Variants in SAXO1 observed in about 807,000 individuals in gnomAD.
The protein encoded by SAXO1 is stabilizer of axonemal microtubules 1.
Under a neutral mutation model 17.5 loss-of-function variants are expected in SAXO1, and 21 were observed. The observed-to-expected ratio is 1.20, with a 90% CI of 0.85 to 1.72. SAXO1 has a LOEUF of 1.72. SAXO1 is among the 40% of genes most tolerant of loss of function. SAXO1 has a pLI of 0.00. For missense variants in SAXO1, 843 were observed against 596.0 expected, an observed-to-expected ratio of 1.41 and a Z score of -4.32; for synonymous variants, 274 against 216.5, an observed-to-expected ratio of 1.27 and a Z score of -2.33.
chr9:18,992,255 T>A (rs1833843213), intron 1 of SAXO1, among the ~76,000 whole-genome samples: 1 of 152,176 alleles, frequency 6.6e-6, no homozygotes, highest in African/African-American at 2.4e-5. Flanking sequence ...AAAATCAAGG[T>A]GTCAGTTCCT....
intron 1 of SAXO1, among the ~76,000 whole-genome samples, chr9:18,977,587 T>C (rs1304854001): frequency 1.3e-5 from 2 of 152,210 alleles, no homozygotes; most frequent in African/African-American, 4.8e-5. Context: ...TTCCACTAGA[T>C]TGTAATTACT....
At chr9:18,941,895 T>C (rs1563932143) in intron 2 of SAXO1, 56 bp from the exon 3 acceptor site, 5 of 1,530,470 alleles carry the variant, frequency 3.3e-6, no homozygotes, top group Non-Finnish European at 4.5e-6. Context: ...AAGGCTTATG[T>C]TTTCTGCTCA....
intron 1 of SAXO1, among the ~76,000 whole-genome samples, chr9:19,012,910 G>C (rs992389129): frequency 1.3e-5 from 2 of 152,180 alleles, no homozygotes; most frequent in Non-Finnish European, 2.9e-5. Context: ...CAGAAATCAA[G>C]ATTCTGCACC....
At chr9:18,999,856 A>G (rs1473571679) in intron 1 of SAXO1, among the ~76,000 whole-genome samples, 1 of 48,630 alleles carries the variant, frequency 2.1e-5, no homozygotes, top group African/African-American at 8.1e-5. Flanking sequence ...AGCCGCCACA[A>G]CATCTGGGAA....
intron 1 of SAXO1, among the ~76,000 whole-genome samples, chr9:19,025,806 A>G (rs1166324413): frequency 6.6e-6 from 1 of 152,224 alleles, no homozygotes; most frequent in African/African-American, 2.4e-5. Context: ...TAGAAAAAGT[A>G]GTGTTACTAC....
intron 1 of SAXO1, among the ~76,000 whole-genome samples, chr9:19,007,468 T>G (rs186785261): frequency 4.6e-5 from 7 of 152,358 alleles, no homozygotes; most frequent in Admixed American, 3.3e-4. Flanking sequence ...TAGCAATATA[T>G]CTTTAAACAC....
intron 1 of SAXO1, among the ~76,000 whole-genome samples, chr9:18,980,743 T>A (rs1246678016): frequency 3.5e-5 from 5 of 141,512 alleles, no homozygotes; most frequent in Admixed American, 3.1e-4. Flanking sequence ...TAGCACCACA[T>A]TTGCTTTGTG....
intron 1 of SAXO1, among the ~76,000 whole-genome samples, chr9:19,025,521 C>CT (rs1420418410): frequency 6.6e-6 from 1 of 152,182 alleles, no homozygotes; most frequent in African/African-American, 2.4e-5. Flanking sequence ...AGATACATGG[C>CT]TGCCCCTGAG....
In SAXO1 at chr9:18,960,256, C is replaced by A. The variant is rs556563865; in HGVS notation, c.39-9319G>T. On this transcript the variant is annotated intron_variant, in intron 1 of 3. Transcript: ENST00000380534. Reference sequence around the variant, plus strand: ...GGTAGGATTTTGCCAATGGCCTCATCACCTCAGAGGGAGACACAGAAAGAA... The same window carrying A: ...GGTAGGATTTTGCCAATGGCCTCATAACCTCAGAGGGAGACACAGAAAGAA... 3.3e-5 allele frequency among the ~76,000 whole-genome samples: 5 copies of A among 152,310 alleles called. No individual in the cohort carries two copies. In the South Asian group the frequency reaches 8.3e-4, roughly 25 times the overall value.
intron 1 of SAXO1, among the ~76,000 whole-genome samples, chr9:19,002,285 A>T (rs1221218983): frequency 6.6e-6 from 1 of 152,222 alleles, no homozygotes; most frequent in African/African-American, 2.4e-5. Context: ...CCAGGACCAG[A>T]TGGATTCACA....
At chr9:18,987,025 T>C (rs1734169724) in intron 1 of SAXO1, among the ~76,000 whole-genome samples, 2 of 152,212 alleles carry the variant, frequency 1.3e-5, no homozygotes, top group South Asian at 4.1e-4. Flanking sequence ...GATGATTCCT[T>C]GGAACAAATT....
intron 2 of SAXO1, among the ~76,000 whole-genome samples, chr9:18,944,896 A>G (rs1378845048): frequency 1.3e-5 from 2 of 152,200 alleles, no homozygotes; most frequent in Admixed American, 6.5e-5. Flanking sequence ...TTGAAGATAT[A>G]TTAGTGTGTC....
At chr9:18,929,165 G>T in intron 3 of SAXO1, 110 bp from the exon 4 acceptor site, 1 of 1,206,170 alleles carries the variant, frequency 8.3e-7, no homozygotes, top group Non-Finnish European at 1.1e-6. Context: ...TGTTCTTTGA[G>T]ACAAAGAAAG....
chr9:18,934,935 G>C (rs564125572), intron 3 of SAXO1, among the ~76,000 whole-genome samples: 31 of 151,872 alleles, frequency 2.0e-4, no homozygotes, highest in African/African-American at 7.5e-4. Context: ...TAATTTGCTT[G>C]TTTGTTTTGA....
chr9:19,005,162 T>A (rs1223347376), intron 1 of SAXO1, among the ~76,000 whole-genome samples: 1 of 152,206 alleles, frequency 6.6e-6, no homozygotes, highest in Non-Finnish European at 1.5e-5. Context: ...AGACACCCCA[T>A]GTTGATGGAC....
rs9407934 is a variant in SAXO1, at chr9:19,044,526, C to T, written c.-158+4683G>A. ...ATCATAAAATCAAAATTTTTGGAAG[C>T]GGGAATGCACAAACAAGAATGGTAA... On this transcript the variant is annotated intron_variant, in intron 1 of 3. Coordinates refer to the SAXO1 transcript ENST00000542071. Among the ~76,000 whole-genome samples, 351 of 152,198 alleles carry T rather than the reference C, an allele frequency of 2.3e-3. 1 individual carries two copies. Among genetic ancestry groups the T allele is most frequent in the Middle Eastern group, 6.8e-3 (2 of 294 alleles).
At chr9:19,016,574 A>C (rs1834983807) in intron 1 of SAXO1, among the ~76,000 whole-genome samples, 1 of 152,148 alleles carries the variant, frequency 6.6e-6, no homozygotes, top group Non-Finnish European at 1.5e-5. Flanking sequence ...TTGATTGTCA[A>C]AAGTGGGGTA....
At chr9:19,023,251 A>T (rs1219859076) in intron 1 of SAXO1, among the ~76,000 whole-genome samples, 1 of 150,746 alleles carries the variant, frequency 6.6e-6, no homozygotes, top group Non-Finnish European at 1.5e-5. Context: ...AGCTCCACAG[A>T]GCTGCTGGCA....
intron 1 of SAXO1, among the ~76,000 whole-genome samples, chr9:19,026,098 GATT>G (rs1835460369): frequency 6.6e-6 from 1 of 150,978 alleles, no homozygotes; most frequent in Non-Finnish European, 1.5e-5. Flanking sequence ...ATAGCTAGAA[GATT>G]ATTTGTAAGC....
Sources: allele counts gnomAD v4.1 joint callset (sites outside exome capture counted in the v4.1 genomes callset), GRCh38; gene constraint gnomAD v4.1.1; transcripts MANE v1.5; gene names NCBI Gene and HGNC (gene_info 2026-07-23, HGNC 2026-07-21).